CDYL: variants seen among roughly 807,000 people sequenced by gnomAD.
CDYL encodes the protein chromodomain Y like.
In CDYL, 8 loss-of-function variants were observed where a neutral mutation model predicts 47.3. The observed-to-expected ratio is 0.17, with a 90% CI of 0.10 to 0.31. The LOEUF (loss-of-function observed/expected upper bound fraction) is 0.31. Among genes scored for constraint, CDYL ranks in the 10% least tolerant of loss-of-function variants. The probability of loss-of-function intolerance (pLI) is 1.00; values close to 1 mark genes in which losing one functional copy is unlikely to be tolerated. For missense variants in CDYL, 471 were observed against 701.4 expected (o/e 0.67, Z 3.71); for synonymous variants, 266 against 265.0 (o/e 1.00, Z -0.04).
At chr6:4,859,833 C>T (rs1000914272) in intron 1 of CDYL, among the ~76,000 whole-genome samples, 2 of 152,020 alleles carry the variant, frequency 1.3e-5, no homozygotes, top group Non-Finnish European at 2.9e-5. Flanking sequence ...GTGGCTGCCT[C>T]GTGGCTAGAC....
At chr6:4,772,309 G>A (rs1758349376), upstream of CDYL, among the ~76,000 whole-genome samples, 1 of 152,190 alleles carries the variant, frequency 6.6e-6, no homozygotes, top group Non-Finnish European at 1.5e-5. Context: ...ATGAAAGAGA[G>A]AAATGGTACC....
At chr6:4,887,173 T>C (rs1238543994) in intron 1 of CDYL, among the ~76,000 whole-genome samples, 1 of 152,210 alleles carries the variant, frequency 6.6e-6, no homozygotes, top group East Asian at 1.9e-4. Context: ...TTTGGGCTGT[T>C]CTCAATTGTT....
chr6:4,707,632 AT>A (rs1023368815), intron 1 of CDYL, among the ~76,000 whole-genome samples: 1 of 152,220 alleles, frequency 6.6e-6, no homozygotes, highest in Non-Finnish European at 1.5e-5. Flanking sequence ...TTACCTGGGC[AT>A]TCAAGACCTT....
At chr6:4,902,525 C>A (rs369996514) in intron 2 of CDYL, among the ~76,000 whole-genome samples, 3 of 152,172 alleles carry the variant, frequency 2.0e-5, no homozygotes, top group East Asian at 1.9e-4. Context: ...CCTCCCAATG[C>A]AGCTGTGCCC....
At chr6:4,733,296 C>G (rs550484131) in intron 2 of CDYL, 1 of 152,238 alleles carries the variant, frequency 6.6e-6, no homozygotes, top group Non-Finnish European at 1.5e-5. Context: ...CATTGCAATC[C>G]TAACCTCAGG....
At chr6:4,707,726 CTTG>C (rs1478825102) in intron 1 of CDYL, among the ~76,000 whole-genome samples, 1 of 152,292 alleles carries the variant, frequency 6.6e-6, no homozygotes, top group Non-Finnish European at 1.5e-5. Flanking sequence ...CCTCAAAACA[CTTG>C]TTATTTTCTG....
chr6:4,912,669 C>G (rs1039898806), intron 2 of CDYL, among the ~76,000 whole-genome samples: 10 of 152,152 alleles, frequency 6.6e-5, no homozygotes, highest in Non-Finnish European at 1.0e-4. Context: ...AGGAATTTTT[C>G]TTTCTTGAAG....
At chr6:4,775,965 C>G (rs956071646), upstream of CDYL, among the ~76,000 whole-genome samples, 3 of 149,752 alleles carry the variant, frequency 2.0e-5, no homozygotes, top group African/African-American at 7.3e-5. The surrounding 1 kb of genome is among the most constrained non-coding windows in gnomAD (Gnocchi z 7.0). Context: ...GCATGGTTCC[C>G]TGCCCCATCT....
At chr6:4,758,351 A>ATATATATATATATATATATAT (rs1758108099) in intron 3 of CDYL, among the ~76,000 whole-genome samples, 24 of 129,070 alleles carry the variant, frequency 1.9e-4, no homozygotes, top group African/African-American at 6.4e-4. Flanking sequence ...AAAATAAATA[A>ATATATATATATATATATATAT]ATATATATAT....
intron 1 of CDYL, 26 bp from the exon 2 acceptor site, chr6:4,891,687 A>G: frequency 1.3e-6 from 2 of 1,550,926 alleles, no homozygotes; most frequent in Non-Finnish European, 1.7e-6. Flanking sequence ...ATTTTTTTAA[A>G]ACTATTTTTT....
At chr6:4,795,149 T>C (rs1013187703) in intron 1 of CDYL, among the ~76,000 whole-genome samples, 2 of 143,108 alleles carry the variant, frequency 1.4e-5, no homozygotes, top group African/African-American at 5.8e-5. Flanking sequence ...TAGATGCTCT[T>C]TTTTAAAAAA....
intron 1 of CDYL, among the ~76,000 whole-genome samples, chr6:4,816,169 A>G (rs1414012293): frequency 6.6e-6 from 1 of 151,784 alleles, no homozygotes; most frequent in Non-Finnish European, 1.5e-5. Context: ...TCAGCTTCAT[A>G]TTCAGTAGCA....
chr6:4,923,511 A>C (rs1391023290), intron 2 of CDYL, among the ~76,000 whole-genome samples: 8 of 152,130 alleles, frequency 5.3e-5, no homozygotes, highest in African/African-American at 1.9e-4. Context: ...GGCTATTGTG[A>C]ATACTGCTGC....
At chr6:4,922,904 T>C (rs1442872480) in intron 2 of CDYL, among the ~76,000 whole-genome samples, 2 of 152,222 alleles carry the variant, frequency 1.3e-5, no homozygotes, top group African/African-American at 4.8e-5. Flanking sequence ...CCCAGAGTCC[T>C]CGGGTGCCTG....
chr6:4,776,304 C>T (rs1319510086), upstream of CDYL: 1 of 146,038 alleles, frequency 6.8e-6, no homozygotes, highest in South Asian at 2.0e-4. Context: ...CCGCCCCGCC[C>T]CTCCCGCGCG....
At chr6:4,720,641 A>G (rs563545955) in intron 2 of CDYL, among the ~76,000 whole-genome samples, 1 of 152,352 alleles carries the variant, frequency 6.6e-6, no homozygotes, top group Non-Finnish European at 1.5e-5. Flanking sequence ...TTTGTTTTAA[A>G]TAACTTGTCC....
intron 1 of CDYL, among the ~76,000 whole-genome samples, chr6:4,820,359 A>G (rs1378476410): frequency 6.6e-6 from 1 of 152,236 alleles, no homozygotes; most frequent in Non-Finnish European, 1.5e-5. Context: ...ATGTTAGGCT[A>G]TAAAGCTAGG....
At chr6:4,947,598 G>C (rs1273546245) in intron 5 of CDYL, among the ~76,000 whole-genome samples, 2 of 152,162 alleles carry the variant, frequency 1.3e-5, no homozygotes, top group Non-Finnish European at 2.9e-5. Flanking sequence ...TGGCCTGTTG[G>C]GGGGTGGTCC....
At chr6:4,783,838 G>A (rs1758682633) in intron 1 of CDYL, among the ~76,000 whole-genome samples, 1 of 152,072 alleles carries the variant, frequency 6.6e-6, no homozygotes, top group African/African-American at 2.4e-5. Context: ...AATGTATTTT[G>A]TGTGATTTTT....
Sources: allele counts gnomAD v4.1 joint callset (sites outside exome capture counted in the v4.1 genomes callset), GRCh38; gene constraint gnomAD v4.1.1; non-coding constraint Gnocchi (gnomAD v3.1); transcripts MANE v1.5; gene names NCBI Gene and HGNC (gene_info 2026-07-23, HGNC 2026-07-21).